AK5: variants seen among roughly 807,000 people sequenced by gnomAD.
AK5 encodes adenylate kinase 5.
AK5 carries 27 observed loss-of-function variants against 69.5 expected under a neutral mutation model. The ratio of observed to expected loss-of-function variants is 0.39; its 90% CI spans 0.29 to 0.54. The LOEUF (loss-of-function observed/expected upper bound fraction) is 0.54, where lower values mean the gene tolerates loss of function less well. Among genes scored for constraint, AK5 ranks in the 20% least tolerant of loss-of-function variants. The probability of loss-of-function intolerance (pLI) is 0.71; values close to 1 mark genes in which losing one functional copy is unlikely to be tolerated. For synonymous variants in AK5, 260 were observed against 244.4 expected (o/e 1.06, Z -0.60); for missense variants, 531 against 700.4 (o/e 0.76, Z 2.73).
chr1:77,475,547 A>C lies in AK5; in HGVS notation c.1060-7770A>C, dbSNP rs1053458880. 1.2e-3 allele frequency among the ~76,000 whole-genome samples: 157 copies of C among 134,332 alleles called. 3 individuals carry two copies. Among genetic ancestry groups the C allele is most frequent in the African/African-American group, 3.7e-3 (134 of 35,780 alleles). The allele number at this position is 134,332 out of a possible 152,430, so 88.1% of individuals were successfully genotyped here. A position where few individuals can be genotyped will look rare whatever the true frequency, so the allele number is the denominator to read the frequency against. On this transcript the variant is annotated intron_variant, in intron 8 of 13. Coordinates refer to ENST00000354567, the MANE Select transcript of AK5 (RefSeq NM_174858.3). ...TATTATATATATACAAATATATATT[A>C]TATATATATATGTATTACTCTCTCT...
chr1:77,537,859 C>T (rs1659055382), intron 13 of AK5, among the ~76,000 whole-genome samples: 1 of 152,186 alleles, frequency 6.6e-6, no homozygotes, highest in Non-Finnish European at 1.5e-5. Flanking sequence ...ACTTCCACAT[C>T]CATGGCCATT....
rs1173494472 is a variant in AK5, at chr1:77,367,557, TTA to T, written c.891+27010_891+27011del. 3.8e-3 allele frequency among the ~76,000 whole-genome samples: 225 copies of T among 59,406 alleles called. 30 individuals carry two copies. Among genetic ancestry groups the T allele is most frequent in the African/African-American group, 0.019 (217 of 11,334 alleles). The allele number at this position is 59,406 out of a possible 152,430, so 39.0% of individuals were successfully genotyped here. On this transcript the variant is annotated intron_variant, in intron 6 of 13. Transcript: ENST00000354567. The stretch of plus-strand genomic sequence containing the variant: ...TTGCCCAGACTCATTTATGTTATTT[TTA>T]TATATATATATATATATATAATATA...
rs568631524 is a variant in AK5, at chr1:77,544,536, C to CTTT, written c.1620+8507_1620+8509dup. ...TGTTTTTTTCTATTTTAAAAAAAGT[C>CTTT]TTTTTTTTTTTACTTTTTAAGCTTT... On this transcript the variant is annotated intron_variant, in intron 13 of 13. Transcript: ENST00000354567. 1.3e-3 allele frequency among the ~76,000 whole-genome samples: 188 copies of CTTT among 144,822 alleles called. 1 individual carries two copies. Among genetic ancestry groups the CTTT allele is most frequent in the African/African-American group, 4.5e-3 (180 of 39,598 alleles).
intron 5 of AK5, among the ~76,000 whole-genome samples, chr1:77,308,841 TGCCTA>T (rs1659788622): frequency 6.6e-6 from 1 of 151,322 alleles, no homozygotes; most frequent in South Asian, 2.1e-4. Flanking sequence ...TGATGACGTG[TGCCTA>T]CAGTCCCAGC....
chr1:77,319,352 G>A (rs1660405578), intron 5 of AK5, among the ~76,000 whole-genome samples: 1 of 152,172 alleles, frequency 6.6e-6, no homozygotes, highest in African/African-American at 2.4e-5. Context: ...CACAGAATTG[G>A]GGAGAGAATG....
At chr1:77,335,189 ACAAAGGCAGT>A (rs1265513293) in intron 5 of AK5, among the ~76,000 whole-genome samples, 1 of 152,202 alleles carries the variant, frequency 6.6e-6, no homozygotes. Flanking sequence ...CTTTGCTTAT[ACAAAGGCAGT>A]CACAGGTTCT....
rs146363152 is a variant in AK5 at position 77,419,874 on chromosome 1, C to T, written c.1059+2159C>T. Among the ~76,000 whole-genome samples the T allele has an allele frequency of 9.9e-5, 15 of 152,132 alleles. No homozygotes were observed. The East Asian group carries it at 2.9e-3, about 29-fold the overall frequency. On this transcript the variant is annotated intron_variant, in intron 8 of 13. Coordinates refer to ENST00000354567, the MANE Select transcript of AK5 (RefSeq NM_174858.3). The stretch of plus-strand genomic sequence containing the variant: ...AGATGAATAAGACAAGTCCCAGTCC[C>T]AAGATGGAAGGAACATATCCAGTCC...
chr1:77,475,208 T>C lies in AK5; in HGVS notation c.1060-8109T>C, dbSNP rs973447375. Among the ~76,000 whole-genome samples the C allele has an allele frequency of 3.0e-3, 438 of 145,134 alleles. 2 individuals are homozygous for C. The highest frequency in any genetic ancestry group is 0.01 in the African/African-American group (402 of 39,076). ...ATATATATATATATGTGTGTGTGTG[T>C]GTGTGTATTCTATATACTCCATATA... On this transcript the variant is annotated intron_variant, in intron 8 of 13. Coordinates refer to ENST00000354567, the MANE Select transcript of AK5 (RefSeq NM_174858.3).
At position 77,477,291 on chromosome 1, in the gene AK5, G is replaced by C. The variant is rs143518691; in HGVS notation, c.1060-6026G>C. ...GATCCTCCCTCCTTGGCCTTCCAAA[G>C]TGCTGGGATTATAGACATGAGCCAC... On this transcript the variant is annotated intron_variant, in intron 8 of 13. Transcript: ENST00000354567. Among the ~76,000 whole-genome samples, 292 of 152,302 alleles carry C rather than the reference G, an allele frequency of 1.9e-3. 3 individuals are homozygous for C. The highest frequency in any genetic ancestry group is 6.7e-3 in the African/African-American group (278 of 41,556).
In AK5 at chr1:77,522,332, A is replaced by G. The variant is rs372573503; in HGVS notation, c.1428+389A>G. ...CAAAAGACCCAGAGTTGTGTTTCCT[A>G]TCCTGGATTTGGTCACAGTCCCATC... On this transcript the variant is annotated intron_variant, in intron 12 of 13. Coordinates refer to ENST00000354567, the MANE Select transcript of AK5 (RefSeq NM_174858.3). 6.6e-5 allele frequency among the ~76,000 whole-genome samples: 10 copies of G among 152,148 alleles called. No homozygotes were observed. The East Asian group carries it at 7.7e-4, about 12-fold the overall frequency.
chr1:77,453,166 A>G (rs1167683619), intron 8 of AK5, among the ~76,000 whole-genome samples: 1 of 152,098 alleles, frequency 6.6e-6, no homozygotes. Flanking sequence ...TGTCAATCCC[A>G]TATTTGTCTT....
At chr1:77,492,707 G>A (rs1277745835) in intron 10 of AK5, among the ~76,000 whole-genome samples, 3 of 152,222 alleles carry the variant, frequency 2.0e-5, no homozygotes, top group African/African-American at 7.2e-5. Context: ...AAAGTTCTGA[G>A]TGTTTCTCTG....
chr1:77,407,400 A>G (rs1165178935), intron 6 of AK5, among the ~76,000 whole-genome samples: 1 of 152,172 alleles, frequency 6.6e-6, no homozygotes, highest in East Asian at 1.9e-4. Context: ...CCCAGACAAA[A>G]ATAGTTGCAT....
chr1:77,441,987 G>T (rs868412569), intron 8 of AK5, among the ~76,000 whole-genome samples: 2 of 152,158 alleles, frequency 1.3e-5, no homozygotes, highest in Admixed American at 1.3e-4. Context: ...TCTGCCCTGG[G>T]AGGCAGGGCA....
At chr1:77,496,695 G>C (rs61778700) in intron 10 of AK5, among the ~76,000 whole-genome samples, 4,591 of 152,044 alleles carry the variant, frequency 0.03, 66 homozygotes, top group Middle Eastern at 0.078. Flanking sequence ...TGGGCTTCTG[G>C]GTTGGGTGGG....
intron 13 of AK5, among the ~76,000 whole-genome samples, chr1:77,555,357 C>T (rs1189292952): frequency 6.6e-6 from 1 of 152,194 alleles, no homozygotes. Flanking sequence ...TAAGCCTCTT[C>T]ATAGCCTAGC....
chr1:77,355,710 A>G (rs1045460560), intron 6 of AK5, among the ~76,000 whole-genome samples: 6 of 152,272 alleles, frequency 3.9e-5, no homozygotes, highest in African/African-American at 1.4e-4. Flanking sequence ...CTCTGTCTTT[A>G]TAATTCCACT....
Position 77,518,592 on chromosome 1 carries a change from G to C in AK5, c.1176G>C (p.Gln392His), listed in dbSNP as rs1431916604. Residue 392 changes from glutamine (Q) to histidine (H), a missense_variant, in exon 11 of 14, where the codon CAG becomes CAC. Physicochemically the swap from Gln to His is conservative, Grantham distance 24. Transcript: ENST00000354567. ...GTCCTGGCTCTGGCAAAGGCACACA[G>C]TGTGAAAAGCTGGTGGAAAAATATG... The part of the protein sequence containing the change: ...IGGPGSGKGT[Q>H]CEKLVEKYGF... 1 of 1,614,200 alleles carries C rather than the reference G, an allele frequency of 6.2e-7. No individual in the cohort carries two copies. Among genetic ancestry groups the C allele is most frequent in the Non-Finnish European group, 8.5e-7 (1 of 1,180,018 alleles).
intron 6 of AK5, among the ~76,000 whole-genome samples, chr1:77,344,840 A>G (rs75486271): frequency 0.05 from 7,560 of 152,088 alleles, 227 homozygotes; most frequent in South Asian, 0.099. Context: ...ACTGTACCCA[A>G]TGTGTAGTCT....
Sources: allele counts gnomAD v4.1 joint callset (sites outside exome capture counted in the v4.1 genomes callset), GRCh38; gene constraint gnomAD v4.1.1; transcripts MANE v1.5; gene names NCBI Gene and HGNC (gene_info 2026-07-23, HGNC 2026-07-21).